The following XPO7 variants were observed in gnomAD, a reference collection of about 807,000 sequenced individuals.
XPO7 encodes the protein exportin-7.
A neutral mutation model predicts 144.3 loss-of-function variants in XPO7; 21 were observed. That is an observed-to-expected ratio of 0.15 (90% confidence interval 0.10 to 0.21). The LOEUF is 0.21. XPO7 is among the 10% of genes least tolerant of loss of function. XPO7 has a pLI of 1.00. For missense variants in XPO7, 808 were observed against 1,325.8 expected, an observed-to-expected ratio of 0.61 and a Z score of 6.06; for synonymous variants, 580 against 499.6, an observed-to-expected ratio of 1.16 and a Z score of -2.15.
At chr8:21,942,684 G>T (rs922957695) in intron 1 of XPO7, among the ~76,000 whole-genome samples, 1 of 152,172 alleles carries the variant, frequency 6.6e-6, no homozygotes, top group Non-Finnish European at 1.5e-5. Context: ...GTTTTGTAAA[G>T]GTTAATTGCA....
At chr8:21,982,439 G>A (rs1812437539) in intron 10 of XPO7, among the ~76,000 whole-genome samples, 1 of 152,074 alleles carries the variant, frequency 6.6e-6, no homozygotes, top group Admixed American at 6.5e-5. Context: ...CCAGCATAGA[G>A]TAGCCCTTCT....
chr8:21,990,537 G>C, intron 17 of XPO7, 130 bp downstream of exon 17: 1 of 1,023,540 alleles, frequency 9.8e-7, no homozygotes, highest in South Asian at 1.4e-5. Context: ...TGATTCCCAC[G>C]ATACTGCCAG....
chr8:21,994,631 A>C (rs537425830), intron 20 of XPO7, among the ~76,000 whole-genome samples, 180 bp downstream of exon 20: 9 of 152,298 alleles, frequency 5.9e-5, no homozygotes, highest in African/African-American at 2.2e-4. Flanking sequence ...AGGTTGTCTG[A>C]GATTAGAACA....
chr8:21,938,789 T>C (rs1220403072), intron 1 of XPO7, among the ~76,000 whole-genome samples: 1 of 151,726 alleles, frequency 6.6e-6, no homozygotes. Flanking sequence ...AAAAAAAAAA[T>C]GTCATAGAGA....
intron 23 of XPO7, 111 bp from the exon 24 acceptor site, chr8:21,999,425 C>CT: frequency 1.3e-6 from 2 of 1,569,146 alleles, no homozygotes; most frequent in Admixed American, 1.7e-5. Flanking sequence ...TTTGCTCTAA[C>CT]TAAGTCTTCT....
chr8:21,984,532 TAG>T, intron 11 of XPO7, 112 bp from the exon 12 acceptor site: 1 of 964,902 alleles, frequency 1.0e-6, no homozygotes, highest in Non-Finnish European at 1.5e-6. Context: ...TGTCGGGATG[TAG>T]ACCTCTACAG....
In XPO7 at chr8:21,919,749, A is replaced by AC; in HGVS notation, c.-22_-21insC. On this transcript the variant is annotated 5_prime_UTR_variant, in exon 1 of 28. Coordinates refer to ENST00000252512, the MANE Select transcript of XPO7 (RefSeq NM_015024.5). ...CGCGCTGGGGGGGAGGGGGGGCCGG[A>AC]GAGGAGCATGAATGGAGCAAAATGG... The AC allele has an allele frequency of 2.1e-6, 1 of 483,238 alleles. No individual in the cohort carries two copies. The highest frequency in any genetic ancestry group is 2.9e-6 in the Non-Finnish European group (1 of 341,486). The allele number at this position is 483,238 out of a possible 1,614,324, so 29.9% of individuals were successfully genotyped here.
chr8:21,963,636 A>C (rs1323016121), intron 1 of XPO7, among the ~76,000 whole-genome samples: 2 of 151,926 alleles, frequency 1.3e-5, no homozygotes, highest in Non-Finnish European at 2.9e-5. Flanking sequence ...CGGAGGTTAC[A>C]GTGAGCCGAG....
intron 1 of XPO7, among the ~76,000 whole-genome samples, chr8:21,924,402 C>G (rs1240178288): frequency 6.6e-6 from 1 of 151,996 alleles, no homozygotes; most frequent in Non-Finnish European, 1.5e-5. Context: ...TATCGGTGCC[C>G]CAGAAGTCCC....
rs118131592 is a variant in XPO7 at position 21,942,182 on chromosome 8, A to G, written c.18+22394A>G. ...ATCTTTTGTAAGTCCTACTGTGTTT[A>G]AAGTGGTGCAGGACTCTCAGGGGAA... On this transcript the variant is annotated intron_variant, in intron 1 of 27. Coordinates refer to ENST00000252512, the MANE Select transcript of XPO7 (RefSeq NM_015024.5). Among the ~76,000 whole-genome samples, 2,050 of 152,342 alleles carry G rather than the reference A, an allele frequency of 0.013. 84 individuals carry two copies. The South Asian group carries it at 0.16, about 12-fold the overall frequency.
At chr8:22,003,777 G>C (rs1813232804) in intron 26 of XPO7, 126 bp from the exon 27 acceptor site, 2 of 1,391,374 alleles carry the variant, frequency 1.4e-6, no homozygotes, top group Non-Finnish European at 9.6e-7. Context: ...TCTTTTTTAA[G>C]GGTCCAATTT....
At chr8:21,965,081 G>A (rs1221183336) in intron 1 of XPO7, among the ~76,000 whole-genome samples, 1 of 151,676 alleles carries the variant, frequency 6.6e-6, no homozygotes, top group Non-Finnish European at 1.5e-5. Context: ...TTACGTTTTA[G>A]TTAAACAGTG....
intron 1 of XPO7, among the ~76,000 whole-genome samples, chr8:21,944,761 C>G (rs76008177): frequency 2.0e-5 from 3 of 151,898 alleles, no homozygotes; most frequent in Non-Finnish European, 4.4e-5. Context: ...TTCCGCCTTC[C>G]GCATTGTTTG....
chr8:21,972,026 T>C, intron 5 of XPO7, 85 bp downstream of exon 5: 1 of 1,347,978 alleles, frequency 7.4e-7, no homozygotes, highest in East Asian at 2.3e-5. Flanking sequence ...GGATGATCTT[T>C]TTTGGCAGTT....
intron 11 of XPO7, 78 bp downstream of exon 11, chr8:21,982,890 CAA>C: frequency 1.3e-6 from 2 of 1,485,404 alleles, no homozygotes; most frequent in South Asian, 2.8e-5. Context: ...ACCCCATTGG[CAA>C]AGAGGTACTC....
At chr8:21,941,117 C>T (rs1167683113) in intron 1 of XPO7, among the ~76,000 whole-genome samples, 1 of 148,884 alleles carries the variant, frequency 6.7e-6, no homozygotes, top group Non-Finnish European at 1.5e-5. Flanking sequence ...ATATAACAAG[C>T]GTATCCTCCT....
intron 1 of XPO7, among the ~76,000 whole-genome samples, chr8:21,952,274 A>C (rs572270643): frequency 6.6e-6 from 1 of 152,308 alleles, no homozygotes; most frequent in Admixed American, 6.5e-5. Context: ...TCTACAATTT[A>C]GTATCAACCC....
At chr8:21,964,586 A>AT (rs1460264068) in intron 1 of XPO7, among the ~76,000 whole-genome samples, 1 of 150,730 alleles carries the variant, frequency 6.6e-6, no homozygotes, top group Non-Finnish European at 1.5e-5. Flanking sequence ...GGAAAACAAA[A>AT]TTGTTTCCCA....
chr8:21,929,138 G>A (rs1810559239), intron 1 of XPO7, among the ~76,000 whole-genome samples: 1 of 152,130 alleles, frequency 6.6e-6, no homozygotes, highest in Admixed American at 6.5e-5. Context: ...AGCCACATGA[G>A]GCTAATAGCT....
Sources: gnomAD v4.1 joint callset for allele counts (sites outside exome capture counted in the v4.1 genomes callset) on GRCh38, gnomAD v4.1.1 for gene constraint, MANE v1.5 for transcripts, NCBI Gene and HGNC (gene_info 2026-07-23, HGNC 2026-07-21) for gene names.